MCTP2: variants seen among roughly 807,000 people sequenced by gnomAD.
The protein encoded by MCTP2 is multiple C2 and transmembrane domain containing 2.
In MCTP2, 132 loss-of-function variants were observed where a neutral mutation model predicts 111.6. The ratio of observed to expected loss-of-function variants is 1.18; its 90% CI spans 1.03 to 1.37. The LOEUF is 1.37. Ranked by LOEUF, MCTP2 falls within the 40% of genes most tolerant of loss-of-function variation. The pLI is 0.00. For synonymous variants in MCTP2, 395 were observed against 387.7 expected, an observed-to-expected ratio of 1.02 and a Z score of -0.22; for missense variants, 1,183 against 1,067.9, an observed-to-expected ratio of 1.11 and a Z score of -1.50.
chr15:94,366,751 C>T (rs1344690476), intron 10 of MCTP2, among the ~76,000 whole-genome samples: 2 of 152,136 alleles, frequency 1.3e-5, no homozygotes, highest in Non-Finnish European at 2.9e-5. Flanking sequence ...CCACTTTACT[C>T]AACCCCACCT....
At chr15:94,340,767 G>C in intron 6 of MCTP2, 46 bp from the exon 7 acceptor site, 1 of 1,215,724 alleles carries the variant, frequency 8.2e-7, no homozygotes, top group Non-Finnish European at 1.2e-6. Context: ...GGTCAATACA[G>C]TCCTGTCAAT....
intron 17 of MCTP2, among the ~76,000 whole-genome samples, chr15:94,413,917 G>A (rs772127674): frequency 1.3e-5 from 2 of 152,054 alleles, no homozygotes; most frequent in African/African-American, 4.8e-5. Context: ...ATTGCTTTTT[G>A]TGACTATATA....
At chr15:94,464,649 G>T in intron 20 of MCTP2, among the ~76,000 whole-genome samples, 1 of 151,652 alleles carries the variant, frequency 6.6e-6, no homozygotes, top group Non-Finnish European at 1.5e-5. Flanking sequence ...AACATTTAAG[G>T]CTCTACAATT....
intron 12 of MCTP2, among the ~76,000 whole-genome samples, chr15:94,378,079 C>T (rs544985021): frequency 3.0e-4 from 45 of 151,938 alleles, no homozygotes; most frequent in African/African-American, 9.2e-4. Flanking sequence ...TGATATGATC[C>T]GATATAAACT....
intron 15 of MCTP2, 84 bp from the exon 16 acceptor site, chr15:94,399,837 C>A: frequency 8.4e-7 from 1 of 1,189,648 alleles, no homozygotes; most frequent in Non-Finnish European, 1.3e-6. Context: ...TATTGGTCTG[C>A]ACGATTTTCC....
intron 17 of MCTP2, 31 bp from the exon 18 acceptor site, chr15:94,440,145 A>T (rs1257437306): frequency 6.2e-7 from 1 of 1,610,592 alleles, no homozygotes; most frequent in Admixed American, 1.7e-5. Context: ...TTTATCAAGC[A>T]GTCGTGTATT....
At chr15:94,442,988 C>CA (rs748910962) in intron 19 of MCTP2, 28 bp downstream of exon 19, 68 of 1,581,282 alleles carry the variant, frequency 4.3e-5, no homozygotes, top group African/African-American at 2.4e-4. Flanking sequence ...AGAACACACA[C>CA]AAAAAAACAC....
intron 4 of MCTP2, among the ~76,000 whole-genome samples, chr15:94,328,380 G>A (rs544870534): frequency 1.6e-4 from 24 of 152,042 alleles, no homozygotes; most frequent in East Asian, 1.4e-3. Flanking sequence ...CACCCGCCTT[G>A]GCCTCCCAAA....
At chr15:94,267,090 A>G (rs373262954) in intron 1 of MCTP2, among the ~76,000 whole-genome samples, 1 of 152,236 alleles carries the variant, frequency 6.6e-6, no homozygotes, top group Non-Finnish European at 1.5e-5. Context: ...ATTTACATAC[A>G]GTAAAATCTA....
At chr15:94,251,384 G>A (rs1216973260) in intron 1 of MCTP2, among the ~76,000 whole-genome samples, 1 of 149,890 alleles carries the variant, frequency 6.7e-6, no homozygotes, top group Non-Finnish European at 1.5e-5. Context: ...TTGAGACGGA[G>A]TTTCGCTCTT....
chr15:94,359,878 T>C (rs558510744), intron 10 of MCTP2, among the ~76,000 whole-genome samples: 5 of 152,276 alleles, frequency 3.3e-5, no homozygotes, highest in East Asian at 1.9e-4. Flanking sequence ...AATCCTGAGA[T>C]AGATGCGTGA....
intron 1 of MCTP2, among the ~76,000 whole-genome samples, chr15:94,288,370 C>T (rs777463772): frequency 4.6e-5 from 7 of 152,162 alleles, no homozygotes; most frequent in Non-Finnish European, 8.8e-5. Context: ...TCCTTATTAG[C>T]GTACCAATGA....
chr15:94,365,479 A>G (rs1419663490), intron 10 of MCTP2, among the ~76,000 whole-genome samples: 4 of 152,210 alleles, frequency 2.6e-5, no homozygotes, highest in Admixed American at 2.0e-4. Context: ...TTTACTTTGC[A>G]TTTCATCTGG....
At chr15:94,360,852 A>AT (rs36116474) in intron 10 of MCTP2, among the ~76,000 whole-genome samples, 45,845 of 146,930 alleles carry the variant, frequency 0.31, 7,092 homozygotes, top group Admixed American at 0.38. Flanking sequence ...ATTTTAAAGA[A>AT]TTTTTTTTTT....
rs2074830020 is a variant in MCTP2 at position 94,483,537 on chromosome 15, G to A, written c.*4503G>A. The A allele has an allele frequency of 6.6e-6, 1 of 152,196 alleles. No homozygotes were observed. The highest frequency in any genetic ancestry group is 1.5e-5 in the Non-Finnish European group (1 of 68,010). 9.4% of individuals were successfully genotyped at this position (152,196 alleles called of 1,614,324 possible). On this transcript the variant is annotated 3_prime_UTR_variant, in exon 23 of 23. Coordinates refer to ENST00000357742, the MANE Select transcript of MCTP2 (RefSeq NM_001385001.1). ...ACTATGCAGCCATAAAAAAGAATGA[G>A]ATCATGTCCTTTTGCAGGAACTTGG... is the stretch of plus-strand genomic sequence containing the variant.
chr15:94,437,289 T>C (rs1002132924), intron 17 of MCTP2, among the ~76,000 whole-genome samples: 1 of 151,894 alleles, frequency 6.6e-6, no homozygotes, highest in Non-Finnish European at 1.5e-5. Flanking sequence ...AAAGAATGTA[T>C]TTGCAGTCTC....
intron 10 of MCTP2, among the ~76,000 whole-genome samples, chr15:94,361,084 G>GT (rs67774490): frequency 0.14 from 1,128 of 8,322 alleles, 162 homozygotes; most frequent in Non-Finnish European, 0.2. Flanking sequence ...AATATTTCAA[G>GT]TTTTTTTTTT....
In MCTP2 at chr15:94,231,577, C is replaced by G. The variant is rs913440388; in HGVS notation, c.-153C>G. The G allele has an allele frequency of 6.6e-6, 1 of 152,366 alleles. No individual in the cohort carries two copies. Among genetic ancestry groups the G allele is most frequent in the African/African-American group, 2.4e-5 (1 of 41,462 alleles). 9.4% of individuals were successfully genotyped at this position (152,366 alleles called of 1,614,324 possible). ...CGCCGCGTCAGGGTTGCTCCCTGCG[C>G]TTCCGAGTGGCGACTGCAGCGGGTC... On this transcript the variant is annotated 5_prime_UTR_variant, in exon 1 of 23. Transcript: ENST00000357742.
intron 13 of MCTP2, 90 bp from the exon 14 acceptor site, chr15:94,385,333 A>G (rs757621154): frequency 1.2e-6 from 1 of 858,662 alleles, no homozygotes; most frequent in Non-Finnish European, 1.9e-6. Context: ...GGACATACAG[A>G]CTTAATTAGT....
Sources: gnomAD v4.1 joint callset for allele counts (sites outside exome capture counted in the v4.1 genomes callset) on GRCh38, gnomAD v4.1.1 for gene constraint, MANE v1.5 for transcripts, NCBI Gene and HGNC (gene_info 2026-07-23, HGNC 2026-07-21) for gene names.